The following MAPK8 variants were observed in gnomAD, a reference collection of about 807,000 sequenced individuals.
MAPK8 encodes mitogen-activated protein kinase 8, also known as JUN N-terminal kinase.
MAPK8 carries 13 observed loss-of-function variants against 52.9 expected under a neutral mutation model. That is an observed-to-expected ratio of 0.25 (90% CI 0.16 to 0.39). The LOEUF is 0.39. MAPK8 is among the 10% of genes least tolerant of loss of function. The pLI is 1.00. For synonymous variants in MAPK8, 191 were observed against 169.8 expected (o/e 1.12, Z -0.97); for missense variants, 300 against 519.2 (o/e 0.58, Z 4.10).
At chr10:48,425,836 T>TCTTGTAAATG in intron 7 of MAPK8, 52 bp from the exon 8 acceptor site, 1 of 1,005,300 alleles carries the variant, frequency 9.9e-7, no homozygotes, top group Non-Finnish European at 1.5e-6. Context: ...TGAATATGAC[T>TCTTGTAAATG]AATGTATTGA....
chr10:48,341,637 T>G (rs1018489015), intron 1 of MAPK8, among the ~76,000 whole-genome samples: 1 of 152,228 alleles, frequency 6.6e-6, no homozygotes, highest in Admixed American at 6.5e-5. Context: ...GACTTCAAGA[T>G]GAGTAAATAC....
intron 1 of MAPK8, among the ~76,000 whole-genome samples, chr10:48,332,410 G>A (rs1403570407): frequency 1.3e-5 from 2 of 152,156 alleles, no homozygotes; most frequent in Non-Finnish European, 2.9e-5. Flanking sequence ...ATGCAGAGTC[G>A]GGGATCCCCA....
intron 1 of MAPK8, among the ~76,000 whole-genome samples, chr10:48,359,702 G>C (rs1196494655): frequency 6.6e-6 from 1 of 152,024 alleles, no homozygotes; most frequent in Non-Finnish European, 1.5e-5. Flanking sequence ...AGGTTAATCG[G>C]ATAGACACAT....
At chr10:48,408,032 C>T (rs931865158) in intron 3 of MAPK8, among the ~76,000 whole-genome samples, 2 of 152,110 alleles carry the variant, frequency 1.3e-5, no homozygotes, top group South Asian at 2.1e-4. Flanking sequence ...TATTATTTTT[C>T]CGAATTTATT....
At chr10:48,360,001 G>A (rs1341193618) in intron 1 of MAPK8, among the ~76,000 whole-genome samples, 2 of 152,098 alleles carry the variant, frequency 1.3e-5, no homozygotes, top group African/African-American at 4.8e-5. Context: ...ACATAATTGA[G>A]AAAGGACTGT....
chr10:48,398,729 T>C (rs1217526812), intron 1 of MAPK8, among the ~76,000 whole-genome samples: 1 of 152,136 alleles, frequency 6.6e-6, no homozygotes, highest in Non-Finnish European at 1.5e-5. Flanking sequence ...TGGATGAATC[T>C]CAAAATCATT....
At chr10:48,388,931 G>A (rs538361844) in intron 1 of MAPK8, among the ~76,000 whole-genome samples, 54 of 152,210 alleles carry the variant, frequency 3.5e-4, no homozygotes, top group Non-Finnish European at 6.5e-4. Context: ...AAGAAGAAAA[G>A]TGTATGTCCG....
At chr10:48,395,486 G>C (rs1362567813) in intron 1 of MAPK8, among the ~76,000 whole-genome samples, 1 of 151,946 alleles carries the variant, frequency 6.6e-6, no homozygotes, top group Non-Finnish European at 1.5e-5. Context: ...CTTTAAGTGG[G>C]CAATGATTTC....
chr10:48,402,381 G>A (rs1564586501), intron 2 of MAPK8, among the ~76,000 whole-genome samples: 1 of 152,164 alleles, frequency 6.6e-6, no homozygotes, highest in Non-Finnish European at 1.5e-5. Flanking sequence ...CTATAATGAA[G>A]CGTGGAATTT....
intron 1 of MAPK8, among the ~76,000 whole-genome samples, chr10:48,372,380 G>T (rs892287560): frequency 1.3e-5 from 2 of 152,034 alleles, no homozygotes; most frequent in African/African-American, 4.8e-5. Context: ...GAGTTTGACG[G>T]ATTGACAGAA....
In MAPK8 at chr10:48,403,937, G is replaced by GTGTC. The variant is rs1406755432; in HGVS notation, c.123-912_123-911insCTGT. Reference sequence around the variant, plus strand: ...CTAATTTGTGTGTGTGTGTGTGTGTGTGTGTGTGTGTGTGTGTGTGTATTT... The same window carrying GTGTC: ...CTAATTTGTGTGTGTGTGTGTGTGTGTGTCTGTGTGTGTGTGTGTGTGTGTATTT... On this transcript the variant is annotated intron_variant, in intron 2 of 11. Coordinates refer to ENST00000374189, the MANE Select transcript of MAPK8 (RefSeq NM_001323329.2). Among the ~76,000 whole-genome samples the GTGTC allele has an allele frequency of 2.0e-5, 3 of 150,634 alleles. No individual in the cohort carries two copies. The East Asian group carries it at 5.9e-4, about 30-fold the overall frequency.
At chr10:48,424,203 C>A in intron 7 of MAPK8, 44 bp downstream of exon 7, 1 of 1,495,274 alleles carries the variant, frequency 6.7e-7, no homozygotes, top group Non-Finnish European at 9.3e-7. Context: ...AGGCGATGAA[C>A]TTCTTTATGT....
intron 1 of MAPK8, among the ~76,000 whole-genome samples, chr10:48,394,323 A>G (rs1181593752): frequency 1.3e-5 from 2 of 152,068 alleles, no homozygotes; most frequent in South Asian, 4.1e-4. Context: ...AGTATTCCTT[A>G]TAAAATAGAT....
chr10:48,431,018 G>A (rs2044191411), intron 10 of MAPK8, 175 bp from the exon 11 acceptor site: 1 of 634,454 alleles, frequency 1.6e-6, no homozygotes, highest in East Asian at 2.8e-5. Flanking sequence ...TGAGTGTCAA[G>A]GAATTGTTAT....
chr10:48,310,409 T>C (rs909003021), intron 1 of MAPK8, among the ~76,000 whole-genome samples: 5 of 152,146 alleles, frequency 3.3e-5, no homozygotes, highest in South Asian at 2.1e-4. Context: ...AATTGTTGAG[T>C]TGAATTTTTT....
chr10:48,392,340 C>T (rs1162946072), intron 1 of MAPK8, among the ~76,000 whole-genome samples: 1 of 151,964 alleles, frequency 6.6e-6, no homozygotes, highest in Non-Finnish European at 1.5e-5. Context: ...CTGGAGCACC[C>T]CAACATCATA....
chr10:48,382,899 GCTATGTGTATATATATATATGTATAT>G (rs1458182149), intron 1 of MAPK8, among the ~76,000 whole-genome samples: 18 of 138,126 alleles, frequency 1.3e-4, no homozygotes, highest in Middle Eastern at 8.0e-3. Flanking sequence ...TATATATATA[GCTATGTGTATATATATATATGTATAT>G]ATATATAGCT....
At chr10:48,338,177 C>A (rs1355330263) in intron 1 of MAPK8, among the ~76,000 whole-genome samples, 1 of 151,978 alleles carries the variant, frequency 6.6e-6, no homozygotes, top group Non-Finnish European at 1.5e-5. Flanking sequence ...GGCCAGCATC[C>A]CTGATGAAGA....
At chr10:48,420,462 G>A in intron 6 of MAPK8, 142 bp downstream of exon 6, 4 of 814,252 alleles carry the variant, frequency 4.9e-6, no homozygotes, top group Non-Finnish European at 7.0e-6. Flanking sequence ...AAGTTTGCAG[G>A]TAACTATAAA....
Sources: allele counts gnomAD v4.1 joint callset (sites outside exome capture counted in the v4.1 genomes callset), GRCh38; gene constraint gnomAD v4.1.1; transcripts MANE v1.5; gene names NCBI Gene and HGNC (gene_info 2026-07-23, HGNC 2026-07-21).